Variants in CADPS2 observed in about 807,000 individuals in gnomAD.
The protein encoded by CADPS2 is calcium dependent secretion activator 2.
Under a neutral mutation model 172.5 loss-of-function variants are expected in CADPS2, and 93 were observed. The observed-to-expected ratio is 0.54, with a 90% CI of 0.46 to 0.64. CADPS2 has a LOEUF of 0.64. CADPS2 is among the 30% of genes least tolerant of loss of function. The probability of loss-of-function intolerance (pLI) is 0.00; values close to 1 mark genes in which losing one functional copy is unlikely to be tolerated. For missense variants in CADPS2, 1,420 were observed against 1,565.9 expected, an observed-to-expected ratio of 0.91 and a Z score of 1.57; for synonymous variants, 546 against 555.2, an observed-to-expected ratio of 0.98 and a Z score of 0.23.
At chr7:122,509,033 C>G (rs1249311413) in intron 9 of CADPS2, among the ~76,000 whole-genome samples, 2 of 152,146 alleles carry the variant, frequency 1.3e-5, no homozygotes, top group East Asian at 3.9e-4. Context: ...GCAACAATAT[C>G]TCTGTTCACT....
At chr7:122,874,404 AC>A (rs1207054713) in intron 1 of CADPS2, among the ~76,000 whole-genome samples, 4 of 152,200 alleles carry the variant, frequency 2.6e-5, no homozygotes, top group Non-Finnish European at 5.9e-5. Flanking sequence ...AAATGGAAAA[AC>A]ATTCCATGCT....
intron 28 of CADPS2, among the ~76,000 whole-genome samples, chr7:122,328,074 T>C (rs928638752): frequency 1.3e-5 from 2 of 151,440 alleles, no homozygotes. Flanking sequence ...CCACTAAGAA[T>C]AGCCTAACAA....
chr7:122,815,593 A>C (rs1397053932), intron 1 of CADPS2, among the ~76,000 whole-genome samples: 1 of 151,624 alleles, frequency 6.6e-6, no homozygotes, highest in Admixed American at 6.6e-5. Context: ...GAGGAAAAAA[A>C]AAATCCATGG....
intron 17 of CADPS2, among the ~76,000 whole-genome samples, chr7:122,436,081 C>T (rs2151930179): frequency 6.6e-6 from 1 of 152,112 alleles, no homozygotes; most frequent in East Asian, 1.9e-4. Flanking sequence ...ATATAGTACA[C>T]TTTAAGAAAT....
At chr7:122,873,578 C>T (rs568841920) in intron 1 of CADPS2, among the ~76,000 whole-genome samples, 1 of 152,274 alleles carries the variant, frequency 6.6e-6, no homozygotes, top group African/African-American at 2.4e-5. Context: ...GATTGATGGG[C>T]ATTTTTGGTG....
intron 9 of CADPS2, among the ~76,000 whole-genome samples, chr7:122,502,397 C>CT (rs943676974): frequency 1.3e-5 from 2 of 151,648 alleles, no homozygotes; most frequent in East Asian, 1.9e-4. Flanking sequence ...TTTTGTCTTG[C>CT]TTTTTTTTCC....
intron 1 of CADPS2, among the ~76,000 whole-genome samples, chr7:122,828,097 C>T (rs939609277): frequency 6.6e-6 from 1 of 152,148 alleles, no homozygotes; most frequent in Admixed American, 6.5e-5. Flanking sequence ...TTGTTTGATA[C>T]ATATCCATTT....
At chr7:122,684,452 C>A (rs532233672) in intron 2 of CADPS2, among the ~76,000 whole-genome samples, 1 of 152,008 alleles carries the variant, frequency 6.6e-6, no homozygotes, top group South Asian at 2.1e-4. Flanking sequence ...TATATATACA[C>A]ACATATATAT....
rs542789717 is a variant in CADPS2 at position 122,352,349 on chromosome 7, T to C, written c.3505-6668A>G. ...AAGTAAAATTAAAATGCTGCATTAT[T>C]TCATTTTTAGCTTTTAAAGTTTAGA... is the stretch of plus-strand genomic sequence containing the variant. On this transcript the variant is annotated intron_variant, in intron 27 of 29. Transcript: ENST00000449022. Among the ~76,000 whole-genome samples the C allele has an allele frequency of 2.0e-5, 3 of 152,260 alleles. No individual in the cohort carries two copies. In the East Asian group the frequency reaches 5.8e-4, roughly 29 times the overall value.
At chr7:122,341,530 T>C (rs577292901) in intron 28 of CADPS2, among the ~76,000 whole-genome samples, 1 of 152,356 alleles carries the variant, frequency 6.6e-6, no homozygotes, top group African/African-American at 2.4e-5. Context: ...ATGGCAGAGC[T>C]GTGGTTGGAA....
chr7:122,498,120 G>A (rs2058900479), intron 9 of CADPS2, among the ~76,000 whole-genome samples: 2 of 152,038 alleles, frequency 1.3e-5, no homozygotes, highest in South Asian at 2.1e-4. Context: ...GCTAATTTTT[G>A]TATTTTTAAT....
chr7:122,676,892 T>A, intron 2 of CADPS2: 1 of 478,450 alleles, frequency 2.1e-6, no homozygotes, highest in Non-Finnish European at 3.7e-6. Context: ...GGATTCTTTG[T>A]TGGCACTGTT....
At chr7:122,658,240 A>G (rs902739512) in intron 3 of CADPS2, among the ~76,000 whole-genome samples, 1 of 152,194 alleles carries the variant, frequency 6.6e-6, no homozygotes, top group African/African-American at 2.4e-5. Context: ...TCAGGAAACA[A>G]CAGGTGCTGG....
chr7:122,839,916 C>T (rs1432207330), intron 1 of CADPS2, among the ~76,000 whole-genome samples: 2 of 152,176 alleles, frequency 1.3e-5, no homozygotes, highest in East Asian at 3.8e-4. Flanking sequence ...TTGACCCAGC[C>T]ATCCCATTAC....
chr7:122,421,175 GACCTTAACTTTAAAATTTTTT>G (rs1316793438), intron 17 of CADPS2: 1 of 152,144 alleles, frequency 6.6e-6, no homozygotes, highest in Non-Finnish European at 1.5e-5. Flanking sequence ...GTCATGCTTT[GACCTTAACTTTAAAATTTTTT>G]AAATTGATGA....
At chr7:122,702,782 A>G (rs774844037) in intron 2 of CADPS2, 46 of 1,471,200 alleles carry the variant, frequency 3.1e-5, no homozygotes, top group Non-Finnish European at 4.1e-5. Context: ...GACAAACATG[A>G]GAAAACAAAA....
intron 28 of CADPS2, among the ~76,000 whole-genome samples, chr7:122,326,571 T>C (rs2033917464): frequency 1.3e-5 from 2 of 152,070 alleles, no homozygotes; most frequent in South Asian, 4.1e-4. Context: ...CAAAAGAGTT[T>C]TGAAAGACAG....
In CADPS2 at chr7:122,737,025, G is replaced by T; in HGVS notation, c.383C>A (p.Ala128Asp). ...QLQLLKERFQ[A>D]FLNGETQIVA... The stretch of plus-strand genomic sequence containing the variant: ...AATTTGGGTTTCCCCATTGAGGAAG[G>T]CCTGGAACCGTTCTTTCAGTAACTG... The change falls in exon 2 of 30, where the codon GCC (alanine) becomes GAC (aspartate). Residue 128 changes from alanine (A) to aspartate (D), a missense_variant. Transcript: ENST00000449022. 6.2e-7 allele frequency: 1 copy of T among 1,611,954 alleles called. No homozygotes were observed. The highest frequency in any genetic ancestry group is 8.5e-7 in the Non-Finnish European group (1 of 1,178,246).
chr7:122,686,859 A>G (rs1483364400), intron 2 of CADPS2, among the ~76,000 whole-genome samples: 1 of 151,990 alleles, frequency 6.6e-6, no homozygotes, highest in African/African-American at 2.4e-5. Context: ...TAACTTTTGT[A>G]TTTTTAGTAG....
Sources: allele counts gnomAD v4.1 joint callset (sites outside exome capture counted in the v4.1 genomes callset), GRCh38; gene constraint gnomAD v4.1.1; transcripts MANE v1.5; gene names NCBI Gene and HGNC (gene_info 2026-07-23, HGNC 2026-07-21).